SACS: variants seen among roughly 807,000 people sequenced by gnomAD.
The protein encoded by SACS is sacsin.
A neutral mutation model predicts 348.0 loss-of-function variants in SACS; 197 were observed. The ratio of observed to expected loss-of-function variants is 0.57; its 90% CI spans 0.50 to 0.64. The LOEUF is 0.64. SACS is among the 30% of genes least tolerant of loss of function. The pLI, the probability that SACS is intolerant of heterozygous loss-of-function variation, is 0.00. For missense variants in SACS, 4,999 were observed against 5,360.8 expected, an observed-to-expected ratio of 0.93 and a Z score of 2.11; for synonymous variants, 1,985 against 1,910.6, an observed-to-expected ratio of 1.04 and a Z score of -1.02.
chr13:23,331,626 T>C lies in SACS; in HGVS notation c.12250A>G (p.Ile4084Val), dbSNP rs1883483328. 6.2e-7 allele frequency: 1 copy of C among 1,613,900 alleles called. No individual in the cohort carries two copies. The highest frequency in any genetic ancestry group is 1.3e-5 in the African/African-American group (1 of 74,938). Reference sequence around the variant, plus strand: ...TCTGAATGTTGAATGTAGAGCAAGATGACTGCATTACCAAATCGCTTCAAA... The same window carrying C: ...TCTGAATGTTGAATGTAGAGCAAGACGACTGCATTACCAAATCGCTTCAAA... ...AFLKRFGNAVILLYIQHSDSK... is the reference protein window; with the variant it reads ...AFLKRFGNAVVLLYIQHSDSK... Residue 4084 changes from isoleucine (I) to valine (V), a missense_variant, in exon 10 of 10, where the codon ATC (isoleucine) becomes GTC (valine). Physicochemically the swap from Ile to Val is conservative, Grantham distance 29. This residue lies in a region of SACS where 831 missense variants were observed against 941.8 expected (regional missense o/e 0.88). Transcript: ENST00000382292.
At chr13:23,406,081 C>G (rs1183173680) in intron 2 of SACS, among the ~76,000 whole-genome samples, 1 of 152,132 alleles carries the variant, frequency 6.6e-6, no homozygotes, top group African/African-American at 2.4e-5. Flanking sequence ...CACATGCACA[C>G]GTATGTTTAT....
rs1874438921 is a variant in SACS at position 23,431,678 on chromosome 13, A to G, written c.-502+1937T>C. On this transcript the variant is annotated intron_variant, in intron 1 of 9. Coordinates refer to ENST00000382292, the MANE Select transcript of SACS (RefSeq NM_014363.6). ...TTAAAGGATTTAGGAAGAGTTGTAC[A>G]AAGAGAATCGGCCTTCCTTCTTCCA... Among the ~76,000 whole-genome samples, 6 of 152,214 alleles carry G rather than the reference A, an allele frequency of 3.9e-5. 1 individual carries two copies. The South Asian group carries it at 1.0e-3, about 26-fold the overall frequency.
In SACS at chr13:23,385,838, T is replaced by C. The variant is rs557078564; in HGVS notation, c.21-10569A>G. 6.6e-5 allele frequency among the ~76,000 whole-genome samples: 10 copies of C among 152,348 alleles called. No individual in the cohort carries two copies. In the South Asian group the frequency reaches 2.1e-3, roughly 32 times the overall value. ...ATTCCTTGATCTGTGGGCTGCAGAATGGATGCTGTGTTAGCAGGCAGGAAA... is the reference window on the plus strand; with the variant it reads ...ATTCCTTGATCTGTGGGCTGCAGAACGGATGCTGTGTTAGCAGGCAGGAAA... On this transcript the variant is annotated intron_variant, in intron 2 of 9. Coordinates refer to ENST00000382292, the MANE Select transcript of SACS (RefSeq NM_014363.6).
At chr13:23,399,845 T>A (rs916580855) in intron 2 of SACS, among the ~76,000 whole-genome samples, 4 of 151,988 alleles carry the variant, frequency 2.6e-5, no homozygotes, top group African/African-American at 9.7e-5. Flanking sequence ...AGCCTTGAGA[T>A]AACCTCCCCT....
chr13:23,330,115 C>CT lies in SACS; in HGVS notation c.*20dup, dbSNP rs143617437. ...GTGCTACAACACATTCAAGATCTAC[C>CT]TTTTTTTTCGTTAAATATCTTCACA... On this transcript the variant is annotated 3_prime_UTR_variant, in exon 10 of 10. Transcript: ENST00000382292. 1.3e-4 allele frequency: 209 copies of CT among 1,600,682 alleles called. No individual in the cohort carries two copies. The highest frequency in any genetic ancestry group is 1.8e-4 in the South Asian group (16 of 90,546).
intron 9 of SACS, among the ~76,000 whole-genome samples, chr13:23,352,813 TG>T (rs774912295): frequency 7.2e-5 from 11 of 152,196 alleles, no homozygotes; most frequent in Non-Finnish European, 1.6e-4. Context: ...AAATCCCTGA[TG>T]GGAAACAACA....
At chr13:23,388,508 T>TATAC (rs1462853496) in intron 2 of SACS, among the ~76,000 whole-genome samples, 2 of 113,946 alleles carry the variant, frequency 1.8e-5, no homozygotes, top group African/African-American at 6.1e-5. Context: ...TATATATATA[T>TATAC]ACACACACAT....
intron 2 of SACS, 184 bp from the exon 3 acceptor site, chr13:23,375,453 G>T (rs1056645467): frequency 2.5e-6 from 3 of 1,176,812 alleles, no homozygotes; most frequent in Non-Finnish European, 3.1e-6. Flanking sequence ...CGCGCGGGCC[G>T]GGAGGGCGGG....
chr13:23,343,257 T>C (rs1224774645), intron 9 of SACS, among the ~76,000 whole-genome samples: 1 of 152,122 alleles, frequency 6.6e-6, no homozygotes, highest in Non-Finnish European at 1.5e-5. Flanking sequence ...ATAATATCAG[T>C]AGGAACAAAA....
rs749685181 is a variant in SACS, at chr13:23,335,785, C to T, written c.8091G>A (p.Met2697Ile). 1 of 1,614,048 alleles carries T rather than the reference C, an allele frequency of 6.2e-7. No homozygotes were observed. The highest frequency in any genetic ancestry group is 1.7e-5 in the Admixed American group (1 of 60,020). The change falls in exon 10 of 10, where the codon ATG becomes ATA. Residue 2697 changes from methionine to isoleucine, a missense_variant. Physicochemically the swap from Met to Ile is conservative, Grantham distance 10. Coordinates refer to ENST00000382292, the MANE Select transcript of SACS (RefSeq NM_014363.6). The surrounding 1 kb of genome is among the most constrained non-coding windows in gnomAD (Gnocchi z 4.7). ...GTHFKLDNCT[M>I]FRFPLRNAEM... The stretch of plus-strand genomic sequence containing the variant: ...CTGCATTACGAAGAGGAAATCTGAA[C>T]ATTGTGCAATTATCCAGTTTAAAAT...
chr13:23,336,186 CA>C lies in SACS; in HGVS notation c.7689del (p.Phe2563LeufsTer62). The C allele has an allele frequency of 6.2e-7, 1 of 1,614,082 alleles. No individual in the cohort carries two copies. The highest frequency in any genetic ancestry group is 8.5e-7 in the Non-Finnish European group (1 of 1,179,952). On this transcript the variant is annotated frameshift_variant, in exon 10 of 10. Transcript: ENST00000382292. LOFTEE classifies it high-confidence loss of function. Reference protein sequence around the residue: ...ADDAKATEICFVFDPRQHPVD... With the variant: ...ADDAKATEICXVFDPRQHPVD... Reference sequence around the variant, plus strand: ...ACTGGATGCTGTCTAGGATCAAACACAAAACAGATTTCTGTCGCCTTTGCAT... The same window carrying C: ...ACTGGATGCTGTCTAGGATCAAACACAAACAGATTTCTGTCGCCTTTGCAT...
In SACS at chr13:23,332,599, C is replaced by T. The variant is rs777278208; in HGVS notation, c.11277G>A (p.Thr3759=). 6.2e-7 allele frequency: 1 copy of T among 1,613,558 alleles called. No homozygotes were observed. Among genetic ancestry groups the T allele is most frequent in the South Asian group, 1.1e-5 (1 of 91,068 alleles). ...TTTTTACCATTTCTTCATCCAACGT[C>T]GTTATGTTGCATATGTTTCTGCAGT... ...INNCRNICNI[T]TLDEEMVKTR... Residue 3759 remains threonine, a synonymous_variant, in exon 10 of 10, where the codon ACG becomes ACA. Coordinates refer to ENST00000382292, the MANE Select transcript of SACS (RefSeq NM_014363.6).
intron 2 of SACS, among the ~76,000 whole-genome samples, chr13:23,379,337 G>A (rs1039460768): frequency 8.5e-5 from 13 of 152,296 alleles, no homozygotes; most frequent in South Asian, 2.1e-4. Flanking sequence ...CTGGTGTCCC[G>A]ACAAAGAAGC....
chr13:23,429,185 GA>G (rs1476412201), intron 1 of SACS, among the ~76,000 whole-genome samples: 2 of 151,848 alleles, frequency 1.3e-5, no homozygotes, highest in Non-Finnish European at 2.9e-5. Flanking sequence ...TGTCATTTCA[GA>G]ATACATAATA....
intron 2 of SACS, among the ~76,000 whole-genome samples, chr13:23,393,329 T>C (rs1872599516): frequency 6.6e-6 from 1 of 152,178 alleles, no homozygotes; most frequent in Non-Finnish European, 1.5e-5. Context: ...CCTCATGAAC[T>C]CCTGAAACCT....
At chr13:23,428,109 C>T (rs1421583964) in intron 1 of SACS, 4 of 152,142 alleles carry the variant, frequency 2.6e-5, no homozygotes, top group African/African-American at 9.7e-5. Context: ...GCAGAATTGC[C>T]CTTGGTGATC....
At chr13:23,411,983 G>C (rs1266198561) in intron 1 of SACS, among the ~76,000 whole-genome samples, 3 of 152,202 alleles carry the variant, frequency 2.0e-5, no homozygotes, top group Non-Finnish European at 4.4e-5. Context: ...ACATCGGCCG[G>C]GCGCGGTGGC....
At chr13:23,356,525 T>C (rs1350945841) in intron 7 of SACS, among the ~76,000 whole-genome samples, 1 of 152,196 alleles carries the variant, frequency 6.6e-6, no homozygotes, top group Non-Finnish European at 1.5e-5. Context: ...CGGAAGCACT[T>C]CTCTTGCTGG....
chr13:23,336,349 A>T lies in SACS; in HGVS notation c.7527T>A (p.Tyr2509Ter), dbSNP rs140034972. The change falls in exon 10 of 10, where the codon TAT (tyrosine) becomes TAA (stop). Residue 2509 changes from tyrosine to a stop codon, truncating the protein, a stop_gained. Transcript: ENST00000382292. LOFTEE classifies it high-confidence loss of function. Reference sequence around the variant, plus strand: ...GTGTTGTAAAACAGACATTGGATGCATATCTTTCTAAGGCTTTGTGTCGCT... The same window carrying T: ...GTGTTGTAAAACAGACATTGGATGCTTATCTTTCTAAGGCTTTGTGTCGCT... The part of the protein sequence containing the change: ...VPKRHKALER[Y>*]ASNVCFTTLG... 1 of 1,614,066 alleles carries T rather than the reference A, an allele frequency of 6.2e-7. No homozygotes were observed. The highest frequency in any genetic ancestry group is 1.7e-5 in the Admixed American group (1 of 60,022).
Sources: gnomAD v4.1 joint callset for allele counts (sites outside exome capture counted in the v4.1 genomes callset) on GRCh38, gnomAD v4.1.1 for gene constraint, gnomAD v4.1.1 regional missense constraint, Gnocchi (gnomAD v3.1) non-coding constraint, MANE v1.5 for transcripts, NCBI Gene and HGNC (gene_info 2026-07-23, HGNC 2026-07-21) for gene names.